NRXN3: variants seen among roughly 807,000 people sequenced by gnomAD.
The protein encoded by NRXN3 is neurexin III.
NRXN3 carries 32 observed loss-of-function variants against 137.6 expected under a neutral mutation model. The observed-to-expected ratio is 0.23, with a 90% CI of 0.18 to 0.31. The LOEUF (loss-of-function observed/expected upper bound fraction) is 0.31, where lower values mean the gene tolerates loss of function less well. NRXN3 is among the 10% of genes least tolerant of loss of function. NRXN3 has a pLI of 1.00. For synonymous variants in NRXN3, 798 were observed against 784.5 expected (o/e 1.02, Z -0.29); for missense variants, 1,574 against 2,062.5 (o/e 0.76, Z 4.59).
chr14:78,187,651 G>C (rs935722288), intron 1 of NRXN3, among the ~76,000 whole-genome samples: 1 of 152,034 alleles, frequency 6.6e-6, no homozygotes, highest in African/African-American at 2.4e-5. Context: ...TCTGGTGATG[G>C]ATGGAGCAGG....
intron 15 of NRXN3, among the ~76,000 whole-genome samples, chr14:79,256,180 C>CTT (rs952632616): frequency 1.1e-4 from 17 of 151,780 alleles, no homozygotes; most frequent in African/African-American, 3.4e-4. Flanking sequence ...CTGTCTCTCT[C>CTT]TCTCTCTCTC....
chr14:79,096,676 C>T (rs1212070326), intron 15 of NRXN3, among the ~76,000 whole-genome samples: 1 of 152,000 alleles, frequency 6.6e-6, no homozygotes, highest in Non-Finnish European at 1.5e-5. Context: ...CTCTGTGACC[C>T]AATCGCCAGA....
At chr14:79,257,343 CTGGTGGTGG>C (rs577147425) in intron 15 of NRXN3, among the ~76,000 whole-genome samples, 5 of 12,696 alleles carry the variant, frequency 3.9e-4, no homozygotes, top group African/African-American at 9.9e-4. Context: ...TGTCTTATTC[CTGGTGGTGG>C]TGGTGGTGGT....
chr14:79,805,289 A>C, intron 20 of NRXN3, 99 bp downstream of exon 20: 1 of 755,004 alleles, frequency 1.3e-6, no homozygotes, highest in South Asian at 1.7e-5. Context: ...TATATAGATT[A>C]TAGTGTGTTA....
At chr14:79,538,019 G>A (rs1241660664) in intron 16 of NRXN3, among the ~76,000 whole-genome samples, 1 of 152,150 alleles carries the variant, frequency 6.6e-6, no homozygotes, top group African/African-American at 2.4e-5. Flanking sequence ...TTGTGGTTTT[G>A]ATTTGCATTT....
chr14:78,491,947 C>T (rs541976660), intron 4 of NRXN3, among the ~76,000 whole-genome samples: 18 of 152,210 alleles, frequency 1.2e-4, no homozygotes, highest in African/African-American at 3.9e-4. Context: ...AAGAATGTGA[C>T]GTTTGGGACC....
At chr14:78,548,296 A>G (rs1439008969) in intron 4 of NRXN3, among the ~76,000 whole-genome samples, 4 of 152,208 alleles carry the variant, frequency 2.6e-5, no homozygotes, top group Non-Finnish European at 2.9e-5. Context: ...TCTTTATTCT[A>G]TCAATAATTA....
At chr14:78,484,027 C>CACAGAG (rs1229106899) in intron 4 of NRXN3, among the ~76,000 whole-genome samples, 43 of 137,166 alleles carry the variant, frequency 3.1e-4, no homozygotes, top group African/African-American at 1.2e-3. Context: ...CACACACACA[C>CACAGAG]AGAGAGAGAG....
chr14:79,407,844 C>T (rs2095343556), intron 15 of NRXN3, among the ~76,000 whole-genome samples: 3 of 152,074 alleles, frequency 2.0e-5, no homozygotes, highest in Non-Finnish European at 2.9e-5. Flanking sequence ...TCACTCAGAA[C>T]AGTGCCTAGT....
intron 16 of NRXN3, among the ~76,000 whole-genome samples, chr14:79,661,297 A>G (rs2098532244): frequency 6.6e-6 from 1 of 152,100 alleles, no homozygotes; most frequent in African/African-American, 2.4e-5. Context: ...ATCATTTTAT[A>G]TTGCATATTA....
At position 79,642,539 on chromosome 14, in the gene NRXN3, CT is replaced by C. The variant is rs1339310454; in HGVS notation, c.3445-21230del. ...TGAATGAACTTGTAACAATATCTCT[CT>C]TTTTTTTTAATTCAAGCCACTGATA... is the stretch of plus-strand genomic sequence containing the variant. On this transcript the variant is annotated intron_variant, in intron 16 of 20. Transcript: ENST00000335750. Among the ~76,000 whole-genome samples, 4 of 132,948 alleles carry C rather than the reference CT, an allele frequency of 3.0e-5. No individual in the cohort carries two copies. The East Asian group carries it at 5.9e-4, about 20-fold the overall frequency. 87.2% of individuals were successfully genotyped at this position (132,948 alleles called of 152,430 possible). A position where few individuals can be genotyped will look rare whatever the true frequency, so the allele number is the denominator to read the frequency against.
intron 16 of NRXN3, among the ~76,000 whole-genome samples, chr14:79,588,641 G>C (rs1343383960): frequency 2.0e-5 from 3 of 152,180 alleles, no homozygotes; most frequent in Admixed American, 6.5e-5. Flanking sequence ...AGACCACAGG[G>C]AGCTGAGATG....
chr14:79,729,409 G>A (rs2098913254), intron 19 of NRXN3, among the ~76,000 whole-genome samples: 1 of 152,166 alleles, frequency 6.6e-6, no homozygotes, highest in Non-Finnish European at 1.5e-5. Flanking sequence ...TGCAAAACAG[G>A]TGGGATCCAT....
chr14:79,484,838 G>A (rs556244736), intron 16 of NRXN3, among the ~76,000 whole-genome samples: 34 of 152,070 alleles, frequency 2.2e-4, no homozygotes, highest in African/African-American at 7.2e-4. Flanking sequence ...AAACATCTGG[G>A]GCCCACATAT....
chr14:78,384,864 A>G (rs923752222), intron 4 of NRXN3, among the ~76,000 whole-genome samples: 1 of 152,166 alleles, frequency 6.6e-6, no homozygotes, highest in African/African-American at 2.4e-5. Flanking sequence ...TTTTATCCGT[A>G]TGTATTTTTT....
At chr14:78,615,681 T>A (rs2097341163) in intron 4 of NRXN3, among the ~76,000 whole-genome samples, 1 of 151,952 alleles carries the variant, frequency 6.6e-6, no homozygotes, top group African/African-American at 2.4e-5. Flanking sequence ...AGGCCTGTGA[T>A]CCCAGCACTT....
At chr14:79,250,378 T>C (rs1272386598) in intron 15 of NRXN3, among the ~76,000 whole-genome samples, 1 of 152,176 alleles carries the variant, frequency 6.6e-6, no homozygotes, top group African/African-American at 2.4e-5. Flanking sequence ...TGGATGTTAT[T>C]AAATTTTCAT....
chr14:78,764,076 C>G (rs923976530), intron 8 of NRXN3, among the ~76,000 whole-genome samples: 1 of 152,146 alleles, frequency 6.6e-6, no homozygotes, highest in African/African-American at 2.4e-5. Flanking sequence ...GTAACTTACC[C>G]AAGATCACAC....
intron 15 of NRXN3, among the ~76,000 whole-genome samples, chr14:79,187,074 G>T (rs2063630941): frequency 6.6e-6 from 1 of 152,102 alleles, no homozygotes; most frequent in Non-Finnish European, 1.5e-5. Context: ...GTTAACCAAG[G>T]CCATGGGCTT....
Sources: gnomAD v4.1 joint callset for allele counts (sites outside exome capture counted in the v4.1 genomes callset) on GRCh38, gnomAD v4.1.1 for gene constraint, MANE v1.5 for transcripts, NCBI Gene and HGNC (gene_info 2026-07-23, HGNC 2026-07-21) for gene names.